Variants in EMCN observed in about 807,000 individuals in gnomAD.
EMCN encodes the protein MUC-14.
Under a neutral mutation model 38.4 loss-of-function variants are expected in EMCN, and 37 were observed. That is an observed-to-expected ratio of 0.96 (90% CI 0.74 to 1.27). The LOEUF is 1.27. Among genes scored for constraint, EMCN ranks in the 50% most tolerant of loss-of-function variants. The pLI is 0.00. For missense variants in EMCN, 318 were observed against 302.8 expected (o/e 1.05, Z -0.37); for synonymous variants, 95 against 100.8 (o/e 0.94, Z 0.35).
At chr4:100,446,355 G>C (rs1727671874) in intron 5 of EMCN, 1 of 184,502 alleles carries the variant, frequency 5.4e-6, no homozygotes, top group African/African-American at 2.4e-5. Flanking sequence ...TTAATAATGA[G>C]ATATATGATA....
At chr4:100,498,718 A>T (rs929282153) in intron 1 of EMCN, among the ~76,000 whole-genome samples, 1 of 152,200 alleles carries the variant, frequency 6.6e-6, no homozygotes, top group African/African-American at 2.4e-5. Flanking sequence ...CTGGGAGTAC[A>T]GGCGTGAGCC....
intron 4 of EMCN, among the ~76,000 whole-genome samples, chr4:100,448,910 C>G (rs372476737): frequency 6.6e-6 from 1 of 151,894 alleles, no homozygotes; most frequent in East Asian, 1.9e-4. Flanking sequence ...TCAGAGAAGT[C>G]TCCCCAACCA....
intron 2 of EMCN, 56 bp downstream of exon 2, chr4:100,479,861 A>G (rs1429495355): frequency 1.4e-6 from 2 of 1,442,638 alleles, no homozygotes; most frequent in Admixed American, 2.0e-5. Flanking sequence ...ATGTATATAC[A>G]TACTACTAAT....
chr4:100,517,963 GA>G lies in EMCN; in HGVS notation c.-50del, dbSNP rs1207780596. The G allele has an allele frequency of 5.0e-6, 8 of 1,587,220 alleles. No individual in the cohort carries two copies. In the Admixed American group the frequency reaches 1.3e-4, roughly 27 times the overall value. ...TCTTCTTTCTCCAGAAGCAGGCAGGGACAATTCCCTCCCAGCCTGGCAGGGC... is the reference window on the plus strand; with the variant it reads ...TCTTCTTTCTCCAGAAGCAGGCAGGGCAATTCCCTCCCAGCCTGGCAGGGC... On this transcript the variant is annotated 5_prime_UTR_variant, in exon 1 of 12. Coordinates refer to ENST00000296420, the MANE Select transcript of EMCN (RefSeq NM_016242.4).
chr4:100,473,837 A>C (rs7674210), intron 3 of EMCN: 2,564 of 147,050 alleles, frequency 0.017, 31 homozygotes, highest in Non-Finnish European at 0.026. Flanking sequence ...CCTCGTTTTG[A>C]AGTGTCATCT....
intron 1 of EMCN, among the ~76,000 whole-genome samples, chr4:100,501,299 A>C (rs1400160494): frequency 6.6e-6 from 1 of 152,130 alleles, no homozygotes; most frequent in Non-Finnish European, 1.5e-5. Flanking sequence ...TTTATTGAAA[A>C]GATCAATCAT....
At chr4:100,487,818 C>A (rs920966316) in intron 1 of EMCN, among the ~76,000 whole-genome samples, 2 of 152,198 alleles carry the variant, frequency 1.3e-5, no homozygotes, top group African/African-American at 4.8e-5. Context: ...GTCCATTAAA[C>A]CTCTTTTCTT....
chr4:100,491,278 C>G lies in EMCN; in HGVS notation c.65-11239G>C, dbSNP rs183250180. Among the ~76,000 whole-genome samples, 254 of 152,214 alleles carry G rather than the reference C, an allele frequency of 1.7e-3. 1 individual carries two copies. The highest frequency in any genetic ancestry group is 5.8e-3 in the African/African-American group (242 of 41,522). ...CCATAGGTTGATGAATCTACTCTTA[C>G]GCTAGCACTATACTATTTTAATTAC... On this transcript the variant is annotated intron_variant, in intron 1 of 11. Transcript: ENST00000296420.
rs34138082 is a variant in EMCN at position 100,473,021 on chromosome 4, A to ATT, written c.259+2015_259+2016dup. Among the ~76,000 whole-genome samples, 380 of 124,286 alleles carry ATT rather than the reference A, an allele frequency of 3.1e-3. 2 individuals carry two copies. Among genetic ancestry groups the ATT allele is most frequent in the South Asian group, 0.026 (97 of 3,752 alleles). 81.5% of individuals were successfully genotyped at this position (124,286 alleles called of 152,430 possible). On this transcript the variant is annotated intron_variant, in intron 3 of 11. Coordinates refer to ENST00000296420, the MANE Select transcript of EMCN (RefSeq NM_016242.4). ...GTATATATATATATTATATATATATATTTTTTTTTTTTGAGGTGGAGTTTA... is the reference window on the plus strand; with the variant it reads ...GTATATATATATATTATATATATATATTTTTTTTTTTTTTGAGGTGGAGTTTA...
In EMCN at chr4:100,417,138, G is replaced by A. The variant is rs746450859; in HGVS notation, c.668C>T (p.Thr223Ile). 1.2e-6 allele frequency: 2 copies of A among 1,613,626 alleles called. No individual in the cohort carries two copies. The highest frequency in any genetic ancestry group is 2.2e-5 in the East Asian group (1 of 44,852). Residue 223 changes from threonine (T) to isoleucine (I), a missense_variant, in exon 9 of 12, where the codon ACA becomes ATA. Transcript: ENST00000296420. ...TTACTGATCATTTCCATTTTCTGGT[G>A]TGCCTAGGAGAAGAGGGAGTTGTTA... ...YRMCWKADPGTPENGNDQPQS... is the reference protein window; with the variant it reads ...YRMCWKADPGIPENGNDQPQS...
At chr4:100,508,851 T>C (rs571582827) in intron 1 of EMCN, among the ~76,000 whole-genome samples, 1 of 152,330 alleles carries the variant, frequency 6.6e-6, no homozygotes, top group South Asian at 2.1e-4. Context: ...TTAAGTATTT[T>C]CTGCTATTTA....
rs1417935029 is a variant in EMCN at position 100,475,664 on chromosome 4, T to G, written c.188-555A>C. 1.8e-3 allele frequency among the ~76,000 whole-genome samples: 15 copies of G among 8,442 alleles called. 3 individuals are homozygous for G. The highest frequency in any genetic ancestry group is 9.0e-3 in the South Asian group (2 of 222). 5.5% of individuals were successfully genotyped at this position (8,442 alleles called of 152,430 possible). ...GGCAGTATCCAATTCTAGTCCTTTTTTTTTTTTTTTTTTTTTTTTTTTTTT... is the reference window on the plus strand; with the variant it reads ...GGCAGTATCCAATTCTAGTCCTTTTGTTTTTTTTTTTTTTTTTTTTTTTTT... On this transcript the variant is annotated intron_variant, in intron 2 of 11. Transcript: ENST00000296420.
chr4:100,492,103 G>A (rs533697202), intron 1 of EMCN, among the ~76,000 whole-genome samples: 194 of 152,202 alleles, frequency 1.3e-3, no homozygotes, highest in African/African-American at 4.6e-3. Flanking sequence ...TTCTCTTGAA[G>A]AAGTTCAATG....
intron 10 of EMCN, among the ~76,000 whole-genome samples, chr4:100,413,848 A>G (rs1159558944): frequency 6.6e-6 from 1 of 152,156 alleles, no homozygotes; most frequent in African/African-American, 2.4e-5. Flanking sequence ...CTGTGACCTG[A>G]CAAGTTATTT....
intron 1 of EMCN, among the ~76,000 whole-genome samples, chr4:100,484,656 C>G (rs1459044894): frequency 1.3e-5 from 2 of 152,086 alleles, no homozygotes; most frequent in Admixed American, 1.3e-4. Context: ...CACCTAAAGT[C>G]CAGTAGAAAT....
intron 1 of EMCN, among the ~76,000 whole-genome samples, chr4:100,505,627 C>T (rs139296205): frequency 2.8e-3 from 427 of 152,130 alleles, no homozygotes; most frequent in African/African-American, 9.9e-3. Flanking sequence ...TTTGAGGAAC[C>T]CTTGAAAATA....
At chr4:100,516,729 G>GAT (rs1248926477) in intron 1 of EMCN, among the ~76,000 whole-genome samples, 1 of 152,058 alleles carries the variant, frequency 6.6e-6, no homozygotes, top group Non-Finnish European at 1.5e-5. Flanking sequence ...AGAAATGACT[G>GAT]ATAAAATGTT....
chr4:100,467,908 T>C (rs1728368527), intron 3 of EMCN, among the ~76,000 whole-genome samples: 1 of 152,204 alleles, frequency 6.6e-6, no homozygotes, highest in Non-Finnish European at 1.5e-5. Context: ...TCATCTACAG[T>C]TATGAATTGC....
In EMCN at chr4:100,447,581, GA is replaced by G; in HGVS notation, c.377-11del. ...GAACTCTGAGTTTCAGCTTTAGAAG[GA>G]AAAAAAGAAAAAAAATCAGTACAAT... On this transcript the variant is annotated splice_polypyrimidine_tract_variant and intron_variant, in intron 4 of 11. Coordinates refer to ENST00000296420, the MANE Select transcript of EMCN (RefSeq NM_016242.4). 4 of 1,538,838 alleles carry G rather than the reference GA, an allele frequency of 2.6e-6. No individual in the cohort carries two copies. Among genetic ancestry groups the G allele is most frequent in the South Asian group, 1.1e-5 (1 of 87,898 alleles).
Sources: gnomAD v4.1 joint callset for allele counts (sites outside exome capture counted in the v4.1 genomes callset) on GRCh38, gnomAD v4.1.1 for gene constraint, MANE v1.5 for transcripts, NCBI Gene and HGNC (gene_info 2026-07-23, HGNC 2026-07-21) for gene names.